Variants in GRM5 observed in about 807,000 individuals in gnomAD.
The protein encoded by GRM5 is glutamate metabotropic receptor 5, also known as metabotropic glutamate receptor 5.
A neutral mutation model predicts 83.1 loss-of-function variants in GRM5; 19 were observed. That is an observed-to-expected ratio of 0.23 (90% CI 0.16 to 0.34). The LOEUF (loss-of-function observed/expected upper bound fraction) is 0.34. Among genes scored for constraint, GRM5 ranks in the 10% least tolerant of loss-of-function variants. GRM5 has a pLI of 1.00. For missense variants in GRM5, 1,160 were observed against 1,588.3 expected, an observed-to-expected ratio of 0.73 and a Z score of 4.58; for synonymous variants, 675 against 633.6, an observed-to-expected ratio of 1.07 and a Z score of -0.98.
intron 2 of GRM5, among the ~76,000 whole-genome samples, chr11:88,962,813 C>A (rs1041154440): frequency 3.9e-5 from 6 of 152,120 alleles, no homozygotes; most frequent in African/African-American, 1.4e-4. Flanking sequence ...CTTACCATCC[C>A]AGCACGGTAG....
At chr11:88,643,930 A>T (rs1007442343) in intron 4 of GRM5, among the ~76,000 whole-genome samples, 20 of 152,212 alleles carry the variant, frequency 1.3e-4, no homozygotes, top group African/African-American at 4.6e-4. Context: ...TACTAGTGAG[A>T]CATATTCATC....
chr11:88,569,292 G>T (rs2135174954), intron 7 of GRM5, among the ~76,000 whole-genome samples: 1 of 152,308 alleles, frequency 6.6e-6, no homozygotes, highest in Admixed American at 6.5e-5. Flanking sequence ...ATGGACTTGA[G>T]ATAGCTTCAC....
chr11:88,841,422 T>G (rs1329416220), intron 3 of GRM5, among the ~76,000 whole-genome samples: 1 of 152,188 alleles, frequency 6.6e-6, no homozygotes, highest in Admixed American at 6.5e-5. Context: ...AAGTCATCCT[T>G]TAATGACTTT....
At chr11:89,027,033 T>G (rs575321690) in intron 2 of GRM5, among the ~76,000 whole-genome samples, 24 of 152,256 alleles carry the variant, frequency 1.6e-4, no homozygotes, top group African/African-American at 5.5e-4. Flanking sequence ...TTGCCTTCTC[T>G]TTTATATTGG....
intron 1 of GRM5, among the ~76,000 whole-genome samples, chr11:89,053,315 T>C (rs182428488): frequency 6.6e-6 from 1 of 152,258 alleles, no homozygotes; most frequent in Admixed American, 6.5e-5. Flanking sequence ...GCTATGAACT[T>C]AGATACCTGG....
At chr11:88,609,195 G>A (rs143450458) in intron 4 of GRM5, among the ~76,000 whole-genome samples, 2 of 152,188 alleles carry the variant, frequency 1.3e-5, no homozygotes, top group Non-Finnish European at 2.9e-5. Flanking sequence ...CCATATTTAT[G>A]TCCATGTGTA....
intron 9 of GRM5, among the ~76,000 whole-genome samples, chr11:88,519,531 G>A (rs12273907): frequency 0.15 from 22,842 of 152,092 alleles, 1,915 homozygotes; most frequent in African/African-American, 0.19. Flanking sequence ...GGAAGATTAA[G>A]TGAGCAATCA....
chr11:88,929,738 G>A (rs184780218), intron 2 of GRM5, among the ~76,000 whole-genome samples: 1 of 152,230 alleles, frequency 6.6e-6, no homozygotes, highest in African/African-American at 2.4e-5. Context: ...TATTAGTGAA[G>A]CTCTATATGT....
intron 2 of GRM5, among the ~76,000 whole-genome samples, chr11:88,911,499 G>A (rs1302854797): frequency 6.6e-6 from 1 of 152,056 alleles, no homozygotes; most frequent in Admixed American, 6.6e-5. Context: ...CTCACTGTTG[G>A]AATACTCTAA....
At chr11:88,538,676 T>C (rs1158638224) in intron 8 of GRM5, among the ~76,000 whole-genome samples, 1 of 152,216 alleles carries the variant, frequency 6.6e-6, no homozygotes, top group Non-Finnish European at 1.5e-5. Context: ...ATAAATGTAA[T>C]AAGAGCCATC....
At chr11:88,811,084 C>T (rs1943581157) in intron 3 of GRM5, among the ~76,000 whole-genome samples, 2 of 151,920 alleles carry the variant, frequency 1.3e-5, no homozygotes, top group South Asian at 4.1e-4. Context: ...AGCCATTATT[C>T]TAGAAACACC....
intron 2 of GRM5, among the ~76,000 whole-genome samples, chr11:88,996,588 C>G (rs1313203205): frequency 6.6e-6 from 1 of 152,182 alleles, no homozygotes; most frequent in African/African-American, 2.4e-5. Flanking sequence ...TGGGGTACTT[C>G]CATGCCACGC....
chr11:88,946,276 C>G (rs1938280870), intron 2 of GRM5, among the ~76,000 whole-genome samples: 1 of 152,184 alleles, frequency 6.6e-6, no homozygotes, highest in African/African-American at 2.4e-5. Flanking sequence ...TTATTATATA[C>G]TGTCGGTGAG....
chr11:88,985,775 T>C (rs1220158207), intron 2 of GRM5, among the ~76,000 whole-genome samples: 6 of 152,144 alleles, frequency 3.9e-5, no homozygotes, highest in Non-Finnish European at 8.8e-5. Flanking sequence ...GATGCAAGTA[T>C]GCACATCAAT....
At chr11:88,993,917 T>C (rs2135054287) in intron 2 of GRM5, among the ~76,000 whole-genome samples, 1 of 152,236 alleles carries the variant, frequency 6.6e-6, no homozygotes, top group Non-Finnish European at 1.5e-5. Flanking sequence ...GTTACCTCCA[T>C]ATGTTGCCCA....
rs183131638 is a variant in GRM5, at chr11:88,998,551, A to T, written c.661+48661T>A. Among the ~76,000 whole-genome samples, 60 of 152,300 alleles carry T rather than the reference A, an allele frequency of 3.9e-4. No homozygotes were observed. The East Asian group carries it at 8.1e-3, about 21-fold the overall frequency. ...GGCAAGGCTGACCAATCTTCCCATTATTCAAAATAGCACTAGATGTTCTAG... is the reference window on the plus strand; with the variant it reads ...GGCAAGGCTGACCAATCTTCCCATTTTTCAAAATAGCACTAGATGTTCTAG... On this transcript the variant is annotated intron_variant, in intron 2 of 9. Coordinates refer to ENST00000305447, the MANE Select transcript of GRM5 (RefSeq NM_001143831.3).
chr11:89,045,874 C>T (rs1941631110), intron 2 of GRM5, among the ~76,000 whole-genome samples: 1 of 152,146 alleles, frequency 6.6e-6, no homozygotes, highest in African/African-American at 2.4e-5. Context: ...GCCATCCCTG[C>T]TAATTTTCAC....
chr11:88,669,529 G>A (rs1940139982), intron 3 of GRM5, among the ~76,000 whole-genome samples: 2 of 151,894 alleles, frequency 1.3e-5, no homozygotes, highest in Admixed American at 6.6e-5. Flanking sequence ...CAAGAATAAT[G>A]CAATTATTTA....
intron 3 of GRM5, among the ~76,000 whole-genome samples, chr11:88,660,117 G>A (rs549022845): frequency 6.6e-6 from 1 of 152,286 alleles, no homozygotes; most frequent in African/African-American, 2.4e-5. Flanking sequence ...GGCATGACCT[G>A]CCTGAATGGG....
Sources: gnomAD v4.1 joint callset for allele counts (sites outside exome capture counted in the v4.1 genomes callset) on GRCh38, gnomAD v4.1.1 for gene constraint, MANE v1.5 for transcripts, NCBI Gene and HGNC (gene_info 2026-07-23, HGNC 2026-07-21) for gene names.